Variants in H2AC6 observed in about 807,000 individuals in gnomAD.
The protein encoded by H2AC6 is H2A clustered histone 6.
A neutral mutation model predicts 6.8 loss-of-function variants in H2AC6; 5 were observed. The ratio of observed to expected loss-of-function variants is 0.73; its 90% CI spans 0.38 to 1.54. The LOEUF (loss-of-function observed/expected upper bound fraction) is 1.54, where lower values mean the gene tolerates loss of function less well. Among genes scored for constraint, H2AC6 ranks in the 40% most tolerant of loss-of-function variants. H2AC6 has a pLI of 0.03. For synonymous variants in H2AC6, 146 were observed against 79.2 expected (o/e 1.84, Z -4.48); for missense variants, 154 against 180.7 (o/e 0.85, Z 0.85).
At position 26,124,524 on chromosome 6, in the gene H2AC6, C is replaced by G. The variant is rs987728493; in HGVS notation, c.292C>G (p.Leu98Val). 1 of 1,614,234 alleles carries G rather than the reference C, an allele frequency of 6.2e-7. No homozygotes were observed. Among genetic ancestry groups the G allele is most frequent in the Non-Finnish European group, 8.5e-7 (1 of 1,180,044 alleles). The change falls in exon 1 of 1, where the codon CTA (leucine) becomes GTA (valine). Residue 98 changes from leucine (L) to valine (V), a missense_variant. Leu to Val is a conservative substitution (Grantham distance 32, BLOSUM62 1). This residue lies in a region of H2AC6 where 43 missense variants were observed against 88.7 expected (regional missense o/e 0.48). Coordinates refer to ENST00000377791, the MANE Select transcript of H2AC6 (RefSeq NM_003512.4). ...IRNDEELNKL[L>V]GRVTIAQGGV... Reference sequence around the variant, plus strand: ...CAACGACGAGGAGCTCAACAAACTGCTAGGCCGGGTGACCATTGCTCAGGG... The same window carrying G: ...CAACGACGAGGAGCTCAACAAACTGGTAGGCCGGGTGACCATTGCTCAGGG...
In H2AC6 at chr6:26,124,173, A is replaced by G. The variant is rs546571854; in HGVS notation, c.-60A>G. ...GCGGCCATGTTTTACATATTTCTTG[A>G]TTTTGTTTGTTTTCTCGTGAGCTTA... On this transcript the variant is annotated 5_prime_UTR_variant, in exon 1 of 1. Transcript: ENST00000377791. 611 of 1,524,432 alleles carry G rather than the reference A, an allele frequency of 4.0e-4. 1 individual carries two copies. Among genetic ancestry groups the G allele is most frequent in the African/African-American group, 7.0e-5 (5 of 71,816 alleles). 94.4% of individuals were successfully genotyped at this position (1,524,432 alleles called of 1,614,324 possible). A position where few individuals can be genotyped will look rare whatever the true frequency, so the allele number is the denominator to read the frequency against.
In H2AC6 at chr6:26,124,226, G is replaced by A. The variant is rs191563375; in HGVS notation, c.-7G>A. The A allele has an allele frequency of 1.9e-6, 3 of 1,565,394 alleles. No homozygotes were observed. Among genetic ancestry groups the A allele is most frequent in the South Asian group, 1.2e-5 (1 of 84,392 alleles). On this transcript the variant is annotated 5_prime_UTR_variant, in exon 1 of 1. Coordinates refer to ENST00000377791, the MANE Select transcript of H2AC6 (RefSeq NM_003512.4). ...CCGCTGGTTTTGGTGATTTTTGTCT[G>A]ATTGCAATGTCTGGACGTGGTAAGC...
In H2AC6 at chr6:26,124,191, T is replaced by C; in HGVS notation, c.-42T>C. On this transcript the variant is annotated 5_prime_UTR_variant, in exon 1 of 1. Coordinates refer to ENST00000377791, the MANE Select transcript of H2AC6 (RefSeq NM_003512.4). ...TTTCTTGATTTTGTTTGTTTTCTCGTGAGCTTAGGCCGCTGGTTTTGGTGA... is the reference window on the plus strand; with the variant it reads ...TTTCTTGATTTTGTTTGTTTTCTCGCGAGCTTAGGCCGCTGGTTTTGGTGA... The C allele has an allele frequency of 6.5e-7, 1 of 1,532,084 alleles. No individual in the cohort carries two copies. Among genetic ancestry groups the C allele is most frequent in the Non-Finnish European group, 8.7e-7 (1 of 1,142,864 alleles). 94.9% of individuals were successfully genotyped at this position (1,532,084 alleles called of 1,614,324 possible). A position where few individuals can be genotyped will look rare whatever the true frequency, so the allele number is the denominator to read the frequency against.
Position 26,124,493 on chromosome 6 carries a change from C to A in H2AC6, c.261C>A (p.Ala87=), listed in dbSNP as rs189115975. The change falls in exon 1 of 1, where the codon GCC becomes GCA. Residue 87 remains alanine (A), a synonymous_variant. Transcript: ENST00000377791. ...TCATCCCGCGCCACTTGCAGCTGGCCATCCGCAACGACGAGGAGCTCAACA... is the reference window on the plus strand; with the variant it reads ...TCATCCCGCGCCACTTGCAGCTGGCAATCCGCAACGACGAGGAGCTCAACA... ...TRIIPRHLQL[A]IRNDEELNKL... 1 of 1,614,192 alleles carries A rather than the reference C, an allele frequency of 6.2e-7. No homozygotes were observed. The highest frequency in any genetic ancestry group is 2.2e-5 in the East Asian group (1 of 44,882).
chr6:26,124,370 A>C lies in H2AC6; in HGVS notation c.138A>C (p.Ala46=). 6.2e-7 allele frequency: 1 copy of C among 1,614,130 alleles called. No individual in the cohort carries two copies. Among genetic ancestry groups the C allele is most frequent in the Non-Finnish European group, 8.5e-7 (1 of 1,180,020 alleles). ...RKGNYAERVG[A]GAPVYLAAVL... Reference sequence around the variant, plus strand: ...GCAACTACGCAGAGCGGGTTGGGGCAGGCGCGCCGGTGTACCTGGCGGCGG... The same window carrying C: ...GCAACTACGCAGAGCGGGTTGGGGCCGGCGCGCCGGTGTACCTGGCGGCGG... Residue 46 remains alanine, a synonymous_variant, in exon 1 of 1, where the codon GCA becomes GCC. Transcript: ENST00000377791.
In H2AC6 at chr6:26,124,224, C is replaced by G. The variant is rs1763578973; in HGVS notation, c.-9C>G. On this transcript the variant is annotated 5_prime_UTR_variant, in exon 1 of 1. Transcript: ENST00000377791. ...GGCCGCTGGTTTTGGTGATTTTTGT[C>G]TGATTGCAATGTCTGGACGTGGTAA... 2.6e-6 allele frequency: 4 copies of G among 1,560,514 alleles called. No individual in the cohort carries two copies. The highest frequency in any genetic ancestry group is 3.5e-6 in the Non-Finnish European group (4 of 1,155,398).
chr6:26,124,517 C>T lies in H2AC6; in HGVS notation c.285C>T (p.Asn95=), dbSNP rs1399519415. Residue 95 remains asparagine (N), a synonymous_variant, in exon 1 of 1, where the codon AAC becomes AAT. Coordinates refer to ENST00000377791, the MANE Select transcript of H2AC6 (RefSeq NM_003512.4). ...CCATCCGCAACGACGAGGAGCTCAA[C>T]AAACTGCTAGGCCGGGTGACCATTG... is the stretch of plus-strand genomic sequence containing the variant. ...QLAIRNDEEL[N]KLLGRVTIAQ... 5 of 1,614,118 alleles carry T rather than the reference C, an allele frequency of 3.1e-6. No homozygotes were observed. The African/African-American group carries it at 5.3e-5, about 17-fold the overall frequency.
chr6:26,124,493 C>T lies in H2AC6; in HGVS notation c.261C>T (p.Ala87=), dbSNP rs189115975. 5.8e-5 allele frequency: 94 copies of T among 1,614,074 alleles called. 2 individuals are homozygous for T. The South Asian group carries it at 9.7e-4, about 17-fold the overall frequency. The part of the protein sequence containing the change: ...TRIIPRHLQL[A]IRNDEELNKL... Reference sequence around the variant, plus strand: ...TCATCCCGCGCCACTTGCAGCTGGCCATCCGCAACGACGAGGAGCTCAACA... The same window carrying T: ...TCATCCCGCGCCACTTGCAGCTGGCTATCCGCAACGACGAGGAGCTCAACA... Residue 87 remains alanine (A), a synonymous_variant, in exon 1 of 1, where the codon GCC becomes GCT. Coordinates refer to ENST00000377791, the MANE Select transcript of H2AC6 (RefSeq NM_003512.4).
At position 26,124,395 on chromosome 6, in the gene H2AC6, G is replaced by C. The variant is rs1443190309; in HGVS notation, c.163G>C (p.Val55Leu). 3 of 1,614,086 alleles carry C rather than the reference G, an allele frequency of 1.9e-6. No homozygotes were observed. The highest frequency in any genetic ancestry group is 2.5e-6 in the Non-Finnish European group (3 of 1,180,008). ...GAGAPVYLAA[V>L]LEYLTAEILE... ...AGGCGCGCCGGTGTACCTGGCGGCGGTGTTAGAGTACCTGACCGCCGAGAT... is the reference window on the plus strand; with the variant it reads ...AGGCGCGCCGGTGTACCTGGCGGCGCTGTTAGAGTACCTGACCGCCGAGAT... Residue 55 changes from valine (V) to leucine (L), a missense_variant, in exon 1 of 1, where the codon GTG (valine) becomes CTG (leucine). Around this residue, in one of 2 missense-constraint regions of H2AC6, gnomAD observed 111 missense variants for 91.9 expected, o/e 1.21. Coordinates refer to ENST00000377791, the MANE Select transcript of H2AC6 (RefSeq NM_003512.4).
chr6:26,124,216 A>C lies in H2AC6; in HGVS notation c.-17A>C. The C allele has an allele frequency of 1.3e-6, 2 of 1,556,886 alleles. No individual in the cohort carries two copies. ...TGAGCTTAGGCCGCTGGTTTTGGTG[A>C]TTTTTGTCTGATTGCAATGTCTGGA... On this transcript the variant is annotated 5_prime_UTR_variant, in exon 1 of 1. Transcript: ENST00000377791.
rs999123420 is a variant in H2AC6 at position 26,124,178 on chromosome 6, G to C, written c.-55G>C. ...CATGTTTTACATATTTCTTGATTTTGTTTGTTTTCTCGTGAGCTTAGGCCG... is the reference window on the plus strand; with the variant it reads ...CATGTTTTACATATTTCTTGATTTTCTTTGTTTTCTCGTGAGCTTAGGCCG... On this transcript the variant is annotated 5_prime_UTR_variant, in exon 1 of 1. Transcript: ENST00000377791. The C allele has an allele frequency of 2.0e-6, 3 of 1,526,254 alleles. No homozygotes were observed. Among genetic ancestry groups the C allele is most frequent in the African/African-American group, 1.4e-5 (1 of 71,876 alleles). The allele number at this position is 1,526,254 out of a possible 1,614,324, so 94.5% of individuals were successfully genotyped here. A position where few individuals can be genotyped will look rare whatever the true frequency, so the allele number is the denominator to read the frequency against.
In H2AC6 at chr6:26,124,592, G is replaced by A. The variant is rs192821791; in HGVS notation, c.360G>A (p.Lys120=). 1.2e-6 allele frequency: 2 copies of A among 1,614,130 alleles called. No homozygotes were observed. Among genetic ancestry groups the A allele is most frequent in the African/African-American group, 1.3e-5 (1 of 75,056 alleles). Residue 120 remains lysine (K), a synonymous_variant, in exon 1 of 1, where the codon AAG becomes AAA. Coordinates refer to ENST00000377791, the MANE Select transcript of H2AC6 (RefSeq NM_003512.4). ...TCCAGGCCGTGCTTCTGCCTAAGAA[G>A]ACCGAGAGTCACCACAAGGCCAAGG... ...PNIQAVLLPK[K]TESHHKAKGK
chr6:26,124,265 T>TCGCG lies in H2AC6; in HGVS notation c.35_38dup (p.Lys14ArgfsTer25). ...GACGTGGTAAGCAAGGAGGCAAAGCTCGCGCCAAAGCGAAATCCCGCTCTT... is the reference window on the plus strand; with the variant it reads ...GACGTGGTAAGCAAGGAGGCAAAGCTCGCGCGCGCCAAAGCGAAATCCCGCTCTT... On this transcript the variant is annotated frameshift_variant, in exon 1 of 1. Transcript: ENST00000377791. LOFTEE classifies it high-confidence loss of function. 6.2e-7 allele frequency: 1 copy of TCGCG among 1,606,258 alleles called. No homozygotes were observed. The highest frequency in any genetic ancestry group is 8.5e-7 in the Non-Finnish European group (1 of 1,175,668).
Position 26,124,390 on chromosome 6 carries a change from C to T in H2AC6, c.158C>T (p.Ala53Val), listed in dbSNP as rs749798482. The T allele has an allele frequency of 6.2e-7, 1 of 1,614,128 alleles. No homozygotes were observed. Among genetic ancestry groups the T allele is most frequent in the African/African-American group, 1.3e-5 (1 of 75,042 alleles). Residue 53 changes from alanine (A) to valine (V), a missense_variant, in exon 1 of 1, where the codon GCG becomes GTG. This residue lies in a region of H2AC6 where 111 missense variants were observed against 91.9 expected (regional missense o/e 1.21). Coordinates refer to ENST00000377791, the MANE Select transcript of H2AC6 (RefSeq NM_003512.4). Reference sequence around the variant, plus strand: ...GGGGCAGGCGCGCCGGTGTACCTGGCGGCGGTGTTAGAGTACCTGACCGCC... The same window carrying T: ...GGGGCAGGCGCGCCGGTGTACCTGGTGGCGGTGTTAGAGTACCTGACCGCC... ...RVGAGAPVYL[A>V]AVLEYLTAEI...
chr6:26,124,656 T>C lies in H2AC6; in HGVS notation c.*31T>C, dbSNP rs1219208821. On this transcript the variant is annotated 3_prime_UTR_variant, in exon 1 of 1. Transcript: ENST00000377791. ...CAGGTATCTGAGCTCCCGGAAACGC[T>C]ATCAAACCCAAAGGCTCTTTTCAGA... 7 of 1,598,906 alleles carry C rather than the reference T, an allele frequency of 4.4e-6. No individual in the cohort carries two copies.
rs745589452 is a variant in H2AC6, at chr6:26,124,407, C to T, written c.175C>T (p.Leu59=). 6.2e-6 allele frequency: 10 copies of T among 1,614,188 alleles called. No homozygotes were observed. The highest frequency in any genetic ancestry group is 5.5e-5 in the South Asian group (5 of 91,082). ...GTACCTGGCGGCGGTGTTAGAGTAC[C>T]TGACCGCCGAGATCCTGGAGCTGGC... The part of the protein sequence containing the change: ...PVYLAAVLEY[L]TAEILELAGN... Residue 59 remains leucine, a synonymous_variant, in exon 1 of 1, where the codon CTG becomes TTG. Coordinates refer to ENST00000377791, the MANE Select transcript of H2AC6 (RefSeq NM_003512.4).
chr6:26,124,280 A>G lies in H2AC6; in HGVS notation c.48A>G (p.Lys16=), dbSNP rs752682618. 6.3e-5 allele frequency: 101 copies of G among 1,610,462 alleles called. No homozygotes were observed. Among genetic ancestry groups the G allele is most frequent in the Non-Finnish European group, 8.2e-5 (97 of 1,178,094 alleles). The change falls in exon 1 of 1, where the codon AAA becomes AAG. Residue 16 remains lysine, a synonymous_variant. Transcript: ENST00000377791. ...GAGGCAAAGCTCGCGCCAAAGCGAA[A>G]TCCCGCTCTTCTCGCGCTGGTCTCC... ...KQGGKARAKA[K]SRSSRAGLQF...
Position 26,124,543 on chromosome 6 carries a change from C to T in H2AC6, c.311C>T (p.Ala104Val), listed in dbSNP as rs200463255. The T allele has an allele frequency of 1.9e-6, 3 of 1,614,216 alleles. No individual in the cohort carries two copies. Among genetic ancestry groups the T allele is most frequent in the South Asian group, 1.1e-5 (1 of 91,076 alleles). The change falls in exon 1 of 1, where the codon GCT (alanine) becomes GTT (valine). Residue 104 changes from alanine to valine, a missense_variant. This residue lies in a region of H2AC6 where 43 missense variants were observed against 88.7 expected (regional missense o/e 0.48). Transcript: ENST00000377791. ...LNKLLGRVTI[A>V]QGGVLPNIQA... ...AAACTGCTAGGCCGGGTGACCATTG[C>T]TCAGGGCGGCGTCCTTCCTAACATC...
Position 26,124,512 on chromosome 6 carries a change from C to G in H2AC6, c.280C>G (p.Leu94Val), listed in dbSNP as rs773082735. ...LQLAIRNDEE[L>V]NKLLGRVTIA... ...GCTGGCCATCCGCAACGACGAGGAG[C>G]TCAACAAACTGCTAGGCCGGGTGAC... The change falls in exon 1 of 1, where the codon CTC becomes GTC. Residue 94 changes from leucine (L) to valine (V), a missense_variant. Transcript: ENST00000377791. The G allele has an allele frequency of 1.2e-6, 2 of 1,614,190 alleles. No homozygotes were observed. Among genetic ancestry groups the G allele is most frequent in the Non-Finnish European group, 1.7e-6 (2 of 1,180,034 alleles).
Sources: allele counts gnomAD v4.1 joint callset, GRCh38; gene constraint gnomAD v4.1.1; regional missense constraint gnomAD v4.1.1; transcripts MANE v1.5; gene names NCBI Gene and HGNC (gene_info 2026-07-23, HGNC 2026-07-21).